Variants in ATE1 observed in about 807,000 individuals in gnomAD.
The protein encoded by ATE1 is arginyltransferase 1, also known as arginyl-tRNA--protein transferase 1.
In ATE1, 36 loss-of-function variants were observed where a neutral mutation model predicts 70.5. The ratio of observed to expected loss-of-function variants is 0.51; its 90% CI spans 0.39 to 0.67. ATE1 has a LOEUF of 0.67. Ranked by LOEUF, ATE1 falls within the 30% of genes least tolerant of loss-of-function variation. The pLI, the probability that ATE1 is intolerant of heterozygous loss-of-function variation, is 0.00. For missense variants in ATE1, 593 were observed against 629.5 expected (o/e 0.94, Z 0.62); for synonymous variants, 232 against 219.3 (o/e 1.06, Z -0.51).
chr10:121,775,738 C>G (rs928765181), intron 11 of ATE1, among the ~76,000 whole-genome samples: 1 of 152,190 alleles, frequency 6.6e-6, no homozygotes, highest in Non-Finnish European at 1.5e-5. Flanking sequence ...AGGGTAGTAA[C>G]TGGTCACTCA....
At chr10:121,907,957 C>T (rs1304579693) in intron 5 of ATE1, among the ~76,000 whole-genome samples, 12 of 152,044 alleles carry the variant, frequency 7.9e-5, no homozygotes, top group African/African-American at 1.7e-4. Flanking sequence ...GGAACCACAA[C>T]TGCTCGAAGA....
chr10:121,811,312 A>G (rs1947310678), intron 10 of ATE1, among the ~76,000 whole-genome samples: 1 of 152,192 alleles, frequency 6.6e-6, no homozygotes, highest in African/African-American at 2.4e-5. Flanking sequence ...GAAAAAAATG[A>G]CAACAGATAT....
intron 10 of ATE1, among the ~76,000 whole-genome samples, chr10:121,792,992 A>C (rs757280078): frequency 3.9e-5 from 6 of 152,210 alleles, no homozygotes; most frequent in Non-Finnish European, 8.8e-5. Context: ...GAAAGCCAAA[A>C]ACTGGGAGAA....
chr10:121,808,648 T>C (rs995474411), intron 10 of ATE1, among the ~76,000 whole-genome samples: 1 of 152,230 alleles, frequency 6.6e-6, no homozygotes, highest in Non-Finnish European at 1.5e-5. Flanking sequence ...GAATAATTTA[T>C]AGCAAAAGCC....
At chr10:121,808,675 AC>A (rs1947195840) in intron 10 of ATE1, among the ~76,000 whole-genome samples, 1 of 152,234 alleles carries the variant, frequency 6.6e-6, no homozygotes, top group African/African-American at 2.4e-5. Context: ...TTTTAAGTGA[AC>A]AGGGCTAACA....
rs1246737419 is a variant in ATE1 at position 121,821,167 on chromosome 10, ATC to A, written c.1257+15549_1257+15550del. On this transcript the variant is annotated intron_variant, in intron 10 of 11. Transcript: ENST00000224652. ...CACCATGTTAGCCAGGATGGTCTCG[ATC>A]TCCTGACCTCGTGATCCACCTGCCT... Among the ~76,000 whole-genome samples, 4 of 152,196 alleles carry A rather than the reference ATC, an allele frequency of 2.6e-5. No individual in the cohort carries two copies. The East Asian group carries it at 7.8e-4, about 30-fold the overall frequency.
At chr10:121,749,956 T>A (rs945160998) in intron 11 of ATE1, among the ~76,000 whole-genome samples, 1 of 152,236 alleles carries the variant, frequency 6.6e-6, no homozygotes, top group African/African-American at 2.4e-5. Context: ...CATACTTCTG[T>A]CTTCTGGGCT....
chr10:121,765,308 A>G (rs1195444880), intron 11 of ATE1, among the ~76,000 whole-genome samples: 1 of 122,054 alleles, frequency 8.2e-6, no homozygotes, highest in Non-Finnish European at 1.8e-5. Context: ...GAGGCAGAAG[A>G]AAAAAAGCTC....
chr10:121,762,060 A>C (rs752531710), intron 11 of ATE1, among the ~76,000 whole-genome samples: 1 of 152,158 alleles, frequency 6.6e-6, no homozygotes, highest in Non-Finnish European at 1.5e-5. Context: ...ACTGAAGTCA[A>C]AGTTGTCCCC....
chr10:121,743,649 A>G lies in ATE1; in HGVS notation c.*31T>C. On this transcript the variant is annotated 3_prime_UTR_variant, in exon 12 of 12. Transcript: ENST00000224652. ...TATCCTGGCACAAATCATCAGCACA[A>G]CACAGGAACTTCCCGGCAGAGGTGA... 6.4e-7 allele frequency: 1 copy of G among 1,573,290 alleles called. No homozygotes were observed. The highest frequency in any genetic ancestry group is 1.2e-5 in the South Asian group (1 of 84,064).
chr10:121,777,345 T>C (rs1236100047), intron 11 of ATE1, among the ~76,000 whole-genome samples: 1 of 152,170 alleles, frequency 6.6e-6, no homozygotes, highest in East Asian at 1.9e-4. Flanking sequence ...TCAGAAAACG[T>C]CATGAGCAAT....
At chr10:121,876,085 G>A (rs1298472390) in intron 7 of ATE1, among the ~76,000 whole-genome samples, 2 of 152,090 alleles carry the variant, frequency 1.3e-5, no homozygotes, top group African/African-American at 2.4e-5. Context: ...TACTATCAAT[G>A]AATTATTCGC....
At position 121,870,032 on chromosome 10, in the gene ATE1, T is replaced by C; in HGVS notation, c.949A>G (p.Arg317Gly). 1.9e-6 allele frequency: 3 copies of C among 1,610,700 alleles called. No individual in the cohort carries two copies. Among genetic ancestry groups the C allele is most frequent in the Non-Finnish European group, 2.5e-6 (3 of 1,177,630 alleles). ...PDTPTESQFTRFLCSSPLEAE... is the reference protein window; with the variant it reads ...PDTPTESQFTGFLCSSPLEAE... ...TCCAAGGGTGAACTGCAAAGGAATC[T>C]TGTGAACTGCAGTCAAATTTGAACA... The change falls in exon 8 of 12, where the codon AGA becomes GGA. Residue 317 changes from arginine to glycine, a missense_variant. Around this residue, in one of 3 missense-constraint regions of ATE1, gnomAD observed 467 missense variants for 469.6 expected, o/e 0.99. Coordinates refer to ENST00000224652, the MANE Select transcript of ATE1 (RefSeq NM_001001976.3).
chr10:121,767,624 C>A (rs530996768), intron 11 of ATE1, among the ~76,000 whole-genome samples: 1 of 152,036 alleles, frequency 6.6e-6, no homozygotes. Context: ...TAAGTTTCTT[C>A]GCCAAAGAAG....
intron 10 of ATE1, among the ~76,000 whole-genome samples, chr10:121,802,827 A>G (rs1272339254): frequency 5.3e-5 from 8 of 152,180 alleles, no homozygotes; most frequent in Admixed American, 5.2e-4. Context: ...GGTCCTGGGC[A>G]TGCCATGGTG....
intron 7 of ATE1, among the ~76,000 whole-genome samples, chr10:121,876,424 A>C (rs572688936): frequency 6.6e-6 from 1 of 152,300 alleles, no homozygotes; most frequent in South Asian, 2.1e-4. Flanking sequence ...TAGGTTATTC[A>C]CTAATATCTA....
Sources: allele counts gnomAD v4.1 joint callset (sites outside exome capture counted in the v4.1 genomes callset), GRCh38; gene constraint gnomAD v4.1.1; regional missense constraint gnomAD v4.1.1; transcripts MANE v1.5; gene names NCBI Gene and HGNC (gene_info 2026-07-23, HGNC 2026-07-21).